Variants in SESTD1 observed in about 807,000 individuals in gnomAD.
SESTD1 encodes SEC14 and spectrin domain containing 1, also known as SEC14 domain and spectrin repeat-containing protein 1.
In SESTD1, 43 loss-of-function variants were observed where a neutral mutation model predicts 101.7. The ratio of observed to expected loss-of-function variants is 0.42; its 90% CI spans 0.33 to 0.55. SESTD1 has a LOEUF of 0.55. Among genes scored for constraint, SESTD1 ranks in the 20% least tolerant of loss-of-function variants. SESTD1 has a pLI of 0.07. For synonymous variants in SESTD1, 283 were observed against 286.8 expected (o/e 0.99, Z 0.13); for missense variants, 647 against 815.1 (o/e 0.79, Z 2.51).
intron 16 of SESTD1, among the ~76,000 whole-genome samples, chr2:179,114,192 A>T (rs955339696): frequency 6.6e-6 from 1 of 152,204 alleles, no homozygotes; most frequent in Non-Finnish European, 1.5e-5. Flanking sequence ...GCCCATGTTA[A>T]TCAAACACTG....
chr2:179,143,601 C>A lies in SESTD1; in HGVS notation c.840G>T (p.Lys280Asn). 2 of 1,613,644 alleles carry A rather than the reference C, an allele frequency of 1.2e-6. No individual in the cohort carries two copies. The highest frequency in any genetic ancestry group is 1.7e-6 in the Non-Finnish European group (2 of 1,179,748). Residue 280 changes from lysine to asparagine, a missense_variant, in exon 9 of 18, where the codon AAG becomes AAT. Lys to Asn is a moderately conservative substitution (Grantham distance 94). This residue lies in a region of SESTD1 where 476 missense variants were observed against 562.6 expected (regional missense o/e 0.85). Transcript: ENST00000428443. Reference sequence around the variant, plus strand: ...CAAATCAGACACCTACCTGCATTACCTTCTGTTGAATCTCTTCTAACTGTG... The same window carrying A: ...CAAATCAGACACCTACCTGCATTACATTCTGTTGAATCTCTTCTAACTGTG... ...KRTQLEEIQQ[K>N]VMQVVNWLEG...
chr2:179,234,056 C>A (rs1205155527), intron 1 of SESTD1, among the ~76,000 whole-genome samples: 1 of 152,120 alleles, frequency 6.6e-6, no homozygotes, highest in Non-Finnish European at 1.5e-5. Flanking sequence ...AATCAGTTTG[C>A]CCTCCGTAAT....
At position 179,202,788 on chromosome 2, in the gene SESTD1, C is replaced by A. The variant is rs1316414823; in HGVS notation, c.-25-10922G>T. ...ATGCCTGCTACCTTCACGAATCTCT[C>A]CTGGATTCAGCTGGTCACCAGTTTC... On this transcript the variant is annotated intron_variant, in intron 1 of 17. Coordinates refer to ENST00000428443, the MANE Select transcript of SESTD1 (RefSeq NM_178123.5). 1.5e-5 allele frequency among the ~76,000 whole-genome samples: 2 copies of A among 135,446 alleles called. 1 individual carries two copies. Among genetic ancestry groups the A allele is most frequent in the East Asian group, 4.0e-4 (2 of 5,042 alleles). 88.9% of individuals were successfully genotyped at this position (135,446 alleles called of 152,430 possible).
chr2:179,107,171 G>T lies in SESTD1; in HGVS notation c.*2728C>A, dbSNP rs2044402930. 1 of 152,154 alleles carries T rather than the reference G, an allele frequency of 6.6e-6. No homozygotes were observed. The highest frequency in any genetic ancestry group is 1.9e-4 in the East Asian group (1 of 5,182). The allele number at this position is 152,154 out of a possible 1,614,324, so 9.4% of individuals were successfully genotyped here. A position where few individuals can be genotyped will look rare whatever the true frequency, so the allele number is the denominator to read the frequency against. On this transcript the variant is annotated 3_prime_UTR_variant, in exon 18 of 18. Coordinates refer to ENST00000428443, the MANE Select transcript of SESTD1 (RefSeq NM_178123.5). ...CACACTGCAGTCACTTTTTTCACAC[G>T]TTTACCTTAAGTGAGCTTTGACCCT...
Position 179,224,114 on chromosome 2 carries a change from T to G in SESTD1, c.-25-32248A>C, listed in dbSNP as rs151078631. ...GAGCATGATTAAACACAAATCACTT[T>G]GAAACATGGCCTAATCTAAAAAATG... On this transcript the variant is annotated intron_variant, in intron 1 of 17. Transcript: ENST00000428443. Among the ~76,000 whole-genome samples the G allele has an allele frequency of 3.9e-3, 595 of 152,346 alleles. 1 individual carries two copies. Among genetic ancestry groups the G allele is most frequent in the African/African-American group, 0.014 (573 of 41,582 alleles).
rs2154393355 is a variant in SESTD1 at position 179,103,674 on chromosome 2, A to G, written c.*6225T>C. The G allele has an allele frequency of 6.6e-6, 1 of 152,292 alleles. No individual in the cohort carries two copies. The highest frequency in any genetic ancestry group is 1.9e-4 in the East Asian group (1 of 5,180). The allele number at this position is 152,292 out of a possible 1,614,324, so 9.4% of individuals were successfully genotyped here. On this transcript the variant is annotated 3_prime_UTR_variant, in exon 18 of 18. Coordinates refer to ENST00000428443, the MANE Select transcript of SESTD1 (RefSeq NM_178123.5). ...GTACATGTTGCGTGACTCTATTTAT[A>G]TAAAGTTTTAGAACAGAAAAATCTT... is the stretch of plus-strand genomic sequence containing the variant.
Position 179,221,386 on chromosome 2 carries a change from G to A in SESTD1, c.-25-29520C>T, listed in dbSNP as rs576991131. Among the ~76,000 whole-genome samples, 8 of 151,994 alleles carry A rather than the reference G, an allele frequency of 5.3e-5. No homozygotes were observed. The East Asian group carries it at 1.4e-3, about 26-fold the overall frequency. On this transcript the variant is annotated intron_variant, in intron 1 of 17. Coordinates refer to ENST00000428443, the MANE Select transcript of SESTD1 (RefSeq NM_178123.5). ...CTAGCACTTTGGGAGGCCGAGGCAG[G>A]TGGATCACCTGAGGTCAGGCGTTCA...
intron 1 of SESTD1, among the ~76,000 whole-genome samples, chr2:179,220,343 G>A (rs1387358561): frequency 6.6e-6 from 1 of 152,092 alleles, no homozygotes; most frequent in African/African-American, 2.4e-5. Context: ...TTAATTTACA[G>A]ATAAATCCTT....
chr2:179,207,599 T>C (rs1332671131), intron 1 of SESTD1, among the ~76,000 whole-genome samples: 1 of 134,850 alleles, frequency 7.4e-6, no homozygotes, highest in Non-Finnish European at 1.6e-5. Context: ...GCCTGGAGCC[T>C]GGTAACCCCA....
chr2:179,172,232 T>C lies in SESTD1; in HGVS notation c.257A>G (p.Asn86Ser), dbSNP rs758839797. ...VVKTVVVMLQNVVPAEVSLVC... is the reference protein window; with the variant it reads ...VVKTVVVMLQSVVPAEVSLVC... ...AAGGGACACCTCAGCTGGAACAACATTCTATAAAATACAGAAAAATAATTA... is the reference window on the plus strand; with the variant it reads ...AAGGGACACCTCAGCTGGAACAACACTCTATAAAATACAGAAAAATAATTA... The change falls in exon 5 of 18, where the codon AAT (asparagine) becomes AGT (serine). Residue 86 changes from asparagine to serine, a missense_variant and splice_region_variant. This residue lies in a region of SESTD1 where 168 missense variants were observed against 235.1 expected (regional missense o/e 0.71). Coordinates refer to ENST00000428443, the MANE Select transcript of SESTD1 (RefSeq NM_178123.5). 1 of 1,568,876 alleles carries C rather than the reference T, an allele frequency of 6.4e-7. No homozygotes were observed. Among genetic ancestry groups the C allele is most frequent in the South Asian group, 1.2e-5 (1 of 85,458 alleles).
rs1268049432 is a variant in SESTD1 at position 179,143,636 on chromosome 2, T to C, written c.805A>G (p.Ser269Gly). 2 of 1,614,006 alleles carry C rather than the reference T, an allele frequency of 1.2e-6. No homozygotes were observed. Among genetic ancestry groups the C allele is most frequent in the Non-Finnish European group, 1.7e-6 (2 of 1,179,906 alleles). The change falls in exon 9 of 18, where the codon AGC (serine) becomes GGC (glycine). Residue 269 changes from serine (S) to glycine (G), a missense_variant. Transcript: ENST00000428443. Reference sequence around the variant, plus strand: ...ATCTCTTCTAACTGTGTGCGCTTGCTACGTTGCCTACAAACTTCCTGGTAG... The same window carrying C: ...ATCTCTTCTAACTGTGTGCGCTTGCCACGTTGCCTACAAACTTCCTGGTAG... Reference protein sequence around the residue: ...TRYQEVCRQRSKRTQLEEIQQ... With the variant: ...TRYQEVCRQRGKRTQLEEIQQ...
chr2:179,258,463 A>G (rs2105561444), intron 1 of SESTD1, among the ~76,000 whole-genome samples: 1 of 152,364 alleles, frequency 6.6e-6, no homozygotes, highest in South Asian at 2.1e-4. Context: ...TACCCACTAA[A>G]GGAAAGACAA....
At chr2:179,182,205 G>A (rs2046125288) in intron 3 of SESTD1, among the ~76,000 whole-genome samples, 1 of 152,008 alleles carries the variant, frequency 6.6e-6, no homozygotes, top group South Asian at 2.1e-4. Flanking sequence ...GAACTTAAGA[G>A]CAGTATATGA....
chr2:179,202,470 T>G (rs2046531841), intron 1 of SESTD1, among the ~76,000 whole-genome samples: 2 of 134,940 alleles, frequency 1.5e-5, no homozygotes, highest in Admixed American at 1.4e-4. Flanking sequence ...TTGGCTTTTC[T>G]TGATATGTCT....
intron 9 of SESTD1, among the ~76,000 whole-genome samples, chr2:179,141,183 C>T (rs2045267900): frequency 6.6e-6 from 1 of 152,184 alleles, no homozygotes; most frequent in Non-Finnish European, 1.5e-5. Flanking sequence ...TCAAACTTAA[C>T]AAGTCTGAAA....
chr2:179,127,336 C>T (rs901628775), intron 10 of SESTD1, among the ~76,000 whole-genome samples: 1 of 152,142 alleles, frequency 6.6e-6, no homozygotes, highest in Non-Finnish European at 1.5e-5. Context: ...AAAATCTATA[C>T]CTATATTGCT....
intron 5 of SESTD1, among the ~76,000 whole-genome samples, chr2:179,161,699 G>A (rs531219479): frequency 3.8e-4 from 57 of 151,488 alleles, no homozygotes; most frequent in African/African-American, 1.2e-3. Flanking sequence ...CAAAAATACA[G>A]CGGAAAAGCT....
chr2:179,256,432 T>A (rs868064213), intron 1 of SESTD1, among the ~76,000 whole-genome samples: 3 of 152,208 alleles, frequency 2.0e-5, no homozygotes, highest in Non-Finnish European at 4.4e-5. Context: ...AGGAAGTAAC[T>A]GCAGATGTGG....
At chr2:179,230,239 G>C (rs149068501) in intron 1 of SESTD1, among the ~76,000 whole-genome samples, 1 of 143,580 alleles carries the variant, frequency 7.0e-6, no homozygotes, top group African/African-American at 2.6e-5. Flanking sequence ...GCTCTCAAGT[G>C]ATCTTCCCAC....
Sources: allele counts gnomAD v4.1 joint callset (sites outside exome capture counted in the v4.1 genomes callset), GRCh38; gene constraint gnomAD v4.1.1; regional missense constraint gnomAD v4.1.1; transcripts MANE v1.5; gene names NCBI Gene and HGNC (gene_info 2026-07-23, HGNC 2026-07-21).